The following SKIL variants were observed in gnomAD, a reference collection of about 807,000 sequenced individuals.
SKIL encodes SKI like proto-oncogene.
SKIL carries 20 observed loss-of-function variants against 69.6 expected under a neutral mutation model. The ratio of observed to expected loss-of-function variants is 0.29; its 90% confidence interval spans 0.20 to 0.42. The LOEUF (loss-of-function observed/expected upper bound fraction) is 0.42, where lower values mean the gene tolerates loss of function less well. Among genes scored for constraint, SKIL ranks in the 10% least tolerant of loss-of-function variants. SKIL has a pLI of 1.00. For synonymous variants in SKIL, 310 were observed against 279.9 expected, an observed-to-expected ratio of 1.11 and a Z score of -1.08; for missense variants, 745 against 783.1, an observed-to-expected ratio of 0.95 and a Z score of 0.58.
At chr3:170,389,547 G>C (rs555959175) in intron 4 of SKIL, among the ~76,000 whole-genome samples, 2 of 151,016 alleles carry the variant, frequency 1.3e-5, no homozygotes, top group South Asian at 2.1e-4. Flanking sequence ...ATCTCCTGAC[G>C]TCGTGATCCG....
chr3:170,369,230 T>G (rs1483941680), intron 2 of SKIL, among the ~76,000 whole-genome samples: 1 of 152,082 alleles, frequency 6.6e-6, no homozygotes, highest in Non-Finnish European at 1.5e-5. Context: ...AATTTATCCT[T>G]TTTGTTTGAG....
At chr3:170,369,357 G>C (rs920984364) in intron 2 of SKIL, among the ~76,000 whole-genome samples, 4 of 152,108 alleles carry the variant, frequency 2.6e-5, no homozygotes, top group African/African-American at 9.7e-5. Context: ...CAGTGCATAT[G>C]TTATCAATTA....
intron 5 of SKIL, 88 bp from the exon 6 acceptor site, chr3:170,390,948 G>A (rs1737880119): frequency 3.0e-6 from 2 of 675,824 alleles, no homozygotes; most frequent in Admixed American, 2.9e-5. Flanking sequence ...TGAATTTTAG[G>A]TATTTTCTGT....
Position 170,360,232 on chromosome 3 carries a change from C to A in SKIL, c.-100C>A, listed in dbSNP as rs1736154773. ...GCTTTGAAAGTTTGAGAGTAAGTTACGATAGGCATTTGTATCCATTCATTA... is the reference window on the plus strand; with the variant it reads ...GCTTTGAAAGTTTGAGAGTAAGTTAAGATAGGCATTTGTATCCATTCATTA... On this transcript the variant is annotated 5_prime_UTR_variant, in exon 2 of 7. Coordinates refer to ENST00000259119, the MANE Select transcript of SKIL (RefSeq NM_005414.5). 3 of 1,166,808 alleles carry A rather than the reference C, an allele frequency of 2.6e-6. No individual in the cohort carries two copies. The highest frequency in any genetic ancestry group is 3.6e-6 in the Non-Finnish European group (3 of 838,814). 72.3% of individuals were successfully genotyped at this position (1,166,808 alleles called of 1,614,324 possible). A position where few individuals can be genotyped will look rare whatever the true frequency, so the allele number is the denominator to read the frequency against.
chr3:170,362,671 C>T (rs1394759499), intron 2 of SKIL, among the ~76,000 whole-genome samples: 3 of 151,490 alleles, frequency 2.0e-5, no homozygotes, highest in East Asian at 1.9e-4. Flanking sequence ...AAAAATTAGC[C>T]AGGCATGGTG....
At chr3:170,374,758 C>T (rs1054051099) in intron 2 of SKIL, among the ~76,000 whole-genome samples, 18 of 152,028 alleles carry the variant, frequency 1.2e-4, no homozygotes, top group Non-Finnish European at 2.9e-5. Flanking sequence ...TATGGCTTAC[C>T]ACAGCATATT....
intron 2 of SKIL, among the ~76,000 whole-genome samples, chr3:170,378,733 G>A (rs1737170522): frequency 6.6e-6 from 1 of 151,552 alleles, no homozygotes; most frequent in Admixed American, 6.6e-5. Context: ...TGTAGAAACG[G>A]CGTTTCTCCA....
chr3:170,395,418 A>G lies in SKIL; in HGVS notation c.*3001A>G. 6.6e-6 allele frequency: 1 copy of G among 152,078 alleles called. No individual in the cohort carries two copies. Among genetic ancestry groups the G allele is most frequent in the East Asian group, 1.9e-4 (1 of 5,208 alleles). 9.4% of individuals were successfully genotyped at this position (152,078 alleles called of 1,614,324 possible). On this transcript the variant is annotated 3_prime_UTR_variant, in exon 7 of 7. Coordinates refer to ENST00000259119, the MANE Select transcript of SKIL (RefSeq NM_005414.5). Reference sequence around the variant, plus strand: ...AATTTTATAACATATTTAATATATTACCAGTTAAGATATAAAATCATTTGT... The same window carrying G: ...AATTTTATAACATATTTAATATATTGCCAGTTAAGATATAAAATCATTTGT...
chr3:170,361,742 C>CTT (rs11321256), intron 2 of SKIL, among the ~76,000 whole-genome samples: 5 of 136,080 alleles, frequency 3.7e-5, no homozygotes, highest in African/African-American at 1.1e-4. Context: ...GTTAGGGCTT[C>CTT]TTTTTTTTTT....
At chr3:170,359,462 G>A (rs1312576968) in intron 1 of SKIL, among the ~76,000 whole-genome samples, 2 of 152,120 alleles carry the variant, frequency 1.3e-5, no homozygotes, top group Non-Finnish European at 2.9e-5. Context: ...GCCGGGTGTC[G>A]TGGCTTGTGC....
At chr3:170,373,643 T>A (rs940465775) in intron 2 of SKIL, among the ~76,000 whole-genome samples, 2 of 152,166 alleles carry the variant, frequency 1.3e-5, no homozygotes, top group Non-Finnish European at 2.9e-5. Flanking sequence ...AATTAAAAAT[T>A]AGAGTGCCAC....
At chr3:170,361,545 A>C (rs1736233965) in intron 2 of SKIL, 116 bp downstream of exon 2, 3 of 807,222 alleles carry the variant, frequency 3.7e-6, no homozygotes, top group Non-Finnish European at 6.0e-6. Flanking sequence ...ACAACAACAA[A>C]ATACCGATTG....
At chr3:170,379,380 G>C (rs1023684478) in intron 2 of SKIL, among the ~76,000 whole-genome samples, 2 of 152,024 alleles carry the variant, frequency 1.3e-5, no homozygotes, top group Admixed American at 6.6e-5. Flanking sequence ...CAGTTTCCTG[G>C]GTTTGTCTGT....
chr3:170,386,668 C>G (rs573064080), intron 4 of SKIL, among the ~76,000 whole-genome samples: 1 of 152,110 alleles, frequency 6.6e-6, no homozygotes, highest in African/African-American at 2.4e-5. Context: ...CAGGGTCTCA[C>G]TGTATTGCCC....
chr3:170,389,070 A>G (rs1737784862), intron 4 of SKIL, among the ~76,000 whole-genome samples: 1 of 151,058 alleles, frequency 6.6e-6, no homozygotes, highest in Non-Finnish European at 1.5e-5. Context: ...ACAGAGTTTT[A>G]CCATGTTGGT....
chr3:170,377,525 T>G (rs943867151), intron 2 of SKIL, among the ~76,000 whole-genome samples: 2 of 150,272 alleles, frequency 1.3e-5, no homozygotes, highest in African/African-American at 4.9e-5. Flanking sequence ...GTATTTCAAA[T>G]TCATTGCTCA....
chr3:170,378,854 TTTA>T (rs1737181300), intron 2 of SKIL, among the ~76,000 whole-genome samples: 1 of 1,328 alleles, frequency 7.5e-4, no homozygotes, highest in East Asian at 0.071. Flanking sequence ...GCTTCTTTTA[TTTA>T]TTTATTTATT....
intron 2 of SKIL, among the ~76,000 whole-genome samples, chr3:170,365,016 A>T (rs887817599): frequency 6.6e-6 from 1 of 152,250 alleles, no homozygotes; most frequent in Non-Finnish European, 1.5e-5. Flanking sequence ...TCAAACACCC[A>T]TACTTTAAGA....
chr3:170,379,811 G>A (rs1028763414), intron 2 of SKIL, among the ~76,000 whole-genome samples: 1 of 151,902 alleles, frequency 6.6e-6, no homozygotes, highest in Non-Finnish European at 1.5e-5. Context: ...GCCTCGTTAA[G>A]TTTTGCGTTT....
Sources: allele counts gnomAD v4.1 joint callset (sites outside exome capture counted in the v4.1 genomes callset), GRCh38; gene constraint gnomAD v4.1.1; transcripts MANE v1.5; gene names NCBI Gene and HGNC (gene_info 2026-07-23, HGNC 2026-07-21).